The following SCN10A variants were observed in gnomAD, a reference collection of about 807,000 sequenced individuals.
The protein encoded by SCN10A is sodium channel protein type 10 subunit alpha.
SCN10A carries 162 observed loss-of-function variants against 170.7 expected under a neutral mutation model. The observed-to-expected ratio is 0.95, with a 90% confidence interval of 0.84 to 1.08. The LOEUF is 1.08. SCN10A is among the 50% of genes least tolerant of loss of function. SCN10A has a pLI of 0.00. For missense variants in SCN10A, 2,527 were observed against 2,436.9 expected (o/e 1.04, Z -0.78); for synonymous variants, 985 against 904.6 (o/e 1.09, Z -1.59).
chr3:38,744,495 T>A (rs537405489), intron 13 of SCN10A, among the ~76,000 whole-genome samples: 1 of 151,952 alleles, frequency 6.6e-6, no homozygotes, highest in East Asian at 1.9e-4. Flanking sequence ...TTATTTTAAA[T>A]TTTTTTCTTT....
chr3:38,810,389 T>C (rs2064432738), intron 1 of SCN10A, among the ~76,000 whole-genome samples: 1 of 152,210 alleles, frequency 6.6e-6, no homozygotes, highest in African/African-American at 2.4e-5. Context: ...TGTGCAGTTC[T>C]GACATTGAAG....
chr3:38,731,788 A>G (rs1320648918), intron 15 of SCN10A, among the ~76,000 whole-genome samples: 1 of 152,230 alleles, frequency 6.6e-6, no homozygotes, highest in African/African-American at 2.4e-5. Context: ...GTGCAGGCCC[A>G]TGGACTCTCC....
intron 14 of SCN10A, among the ~76,000 whole-genome samples, chr3:38,741,274 G>T (rs1370995370): frequency 6.9e-6 from 1 of 143,956 alleles, no homozygotes. Context: ...TGCCTATCAT[G>T]TGTGCGTGTG....
At chr3:38,770,649 A>C (rs2063987920) in intron 5 of SCN10A, among the ~76,000 whole-genome samples, 4 of 152,090 alleles carry the variant, frequency 2.6e-5, no homozygotes, top group South Asian at 4.1e-4. Context: ...ACTGAGAAAG[A>C]AAGCATGACT....
intron 13 of SCN10A, among the ~76,000 whole-genome samples, chr3:38,746,100 T>TATATATA (rs71085336): frequency 8.0e-5 from 8 of 99,820 alleles, no homozygotes; most frequent in African/African-American, 1.8e-4. Context: ...TATATATATA[T>TATATATA]GCCATCTTTG....
intron 19 of SCN10A, among the ~76,000 whole-genome samples, chr3:38,722,867 A>T (rs1012290916): frequency 6.6e-6 from 1 of 152,238 alleles, no homozygotes; most frequent in Non-Finnish European, 1.5e-5. Context: ...TCAAGTATTT[A>T]AAAAATTTTT....
rs2064313711 is a variant in SCN10A, at chr3:38,793,689, G to A, written c.270+52C>T. On this transcript the variant is annotated intron_variant, in intron 2 of 27. Transcript: ENST00000449082. ...AGGACTTTCTGGGCTGGGTGGGACCGAGACTTCCTCTCCAAGAGCTGAGAG... is the reference window on the plus strand; with the variant it reads ...AGGACTTTCTGGGCTGGGTGGGACCAAGACTTCCTCTCCAAGAGCTGAGAG... The A allele has an allele frequency of 6.3e-6, 10 of 1,582,354 alleles. No homozygotes were observed. In the East Asian group the frequency reaches 9.0e-5, roughly 14 times the overall value.
chr3:38,699,429 G>A (rs1239589341), intron 27 of SCN10A, among the ~76,000 whole-genome samples: 1 of 152,022 alleles, frequency 6.6e-6, no homozygotes, highest in Non-Finnish European at 1.5e-5. Context: ...CCAAAGATGA[G>A]GCAAGGCCTT....
intron 2 of SCN10A, 38 bp from the exon 3 acceptor site, chr3:38,792,206 G>A (rs1349742891): frequency 1.2e-6 from 2 of 1,607,998 alleles, no homozygotes; most frequent in Non-Finnish European, 1.7e-6. Context: ...CCTCCAATGA[G>A]AAACAAGATT....
intron 5 of SCN10A, among the ~76,000 whole-genome samples, chr3:38,765,100 C>T (rs1435610821): frequency 1.3e-5 from 2 of 152,128 alleles, no homozygotes; most frequent in African/African-American, 2.4e-5. Context: ...CTTATAGATG[C>T]TGGATATTAG....
At chr3:38,733,486 A>G (rs1327224944) in intron 15 of SCN10A, among the ~76,000 whole-genome samples, 1 of 152,212 alleles carries the variant, frequency 6.6e-6, no homozygotes, top group African/African-American at 2.4e-5. Context: ...AAATTGGGAA[A>G]GGATATCTGG....
chr3:38,714,164 G>A, intron 21 of SCN10A, 84 bp from the exon 22 acceptor site: 3 of 1,536,944 alleles, frequency 2.0e-6, no homozygotes, highest in Non-Finnish European at 2.7e-6. Flanking sequence ...TCCCTGCCCA[G>A]CCTCCCATTC....
At chr3:38,710,651 AG>A (rs1357290452) in intron 24 of SCN10A, among the ~76,000 whole-genome samples, 192 bp downstream of exon 24, 1 of 149,028 alleles carries the variant, frequency 6.7e-6, no homozygotes, top group East Asian at 2.0e-4. Context: ...TGTAGATGAA[AG>A]GGGGAAAGCC....
intron 26 of SCN10A, among the ~76,000 whole-genome samples, chr3:38,703,445 A>G (rs570320602): frequency 3.3e-5 from 5 of 152,354 alleles, no homozygotes; most frequent in African/African-American, 1.2e-4. Flanking sequence ...ATTTCTTGAA[A>G]GAGTTGTGTA....
intron 25 of SCN10A, among the ~76,000 whole-genome samples, chr3:38,707,614 C>T (rs2063224654): frequency 6.6e-6 from 1 of 152,162 alleles, no homozygotes; most frequent in East Asian, 1.9e-4. Flanking sequence ...TTTCTGTTCT[C>T]CAGGGATCCA....
At chr3:38,806,886 G>A (rs565234412) in intron 1 of SCN10A, among the ~76,000 whole-genome samples, 80 of 152,162 alleles carry the variant, frequency 5.3e-4, no homozygotes, top group Non-Finnish European at 9.7e-4. Flanking sequence ...TTTGAATATG[G>A]TTCAGCTGCC....
At position 38,714,168 on chromosome 3, in the gene SCN10A, C is replaced by T. The variant is rs2063307256; in HGVS notation, c.3682-88G>A. On this transcript the variant is annotated intron_variant, in intron 21 of 27. Transcript: ENST00000449082. The stretch of plus-strand genomic sequence containing the variant: ...GAGACAGGAACTCCCTGCCCAGCCT[C>T]CCATTCCTACACGTCTAAGCCATCA... The T allele has an allele frequency of 2.0e-6, 3 of 1,510,250 alleles. No individual in the cohort carries two copies. The South Asian group carries it at 3.6e-5, about 18-fold the overall frequency. The allele number at this position is 1,510,250 out of a possible 1,614,324, so 93.6% of individuals were successfully genotyped here.
chr3:38,759,526 C>T (rs772259945), intron 8 of SCN10A, among the ~76,000 whole-genome samples: 1 of 152,128 alleles, frequency 6.6e-6, no homozygotes, highest in Non-Finnish European at 1.5e-5. Context: ...GCCTATGAAG[C>T]CTCTAGTAAA....
chr3:38,795,469 T>G lies in SCN10A; in HGVS notation c.-32-1427A>C, dbSNP rs553659120. 2.9e-3 allele frequency among the ~76,000 whole-genome samples: 439 copies of G among 150,806 alleles called. 2 individuals are homozygous for G. The highest frequency in any genetic ancestry group is 0.013 in the South Asian group (61 of 4,650). On this transcript the variant is annotated intron_variant, in intron 1 of 27. Coordinates refer to ENST00000449082, the MANE Select transcript of SCN10A (RefSeq NM_006514.4). ...AATTCTCCCACCTCAGCCTCCCGAA[T>G]AGCTGGGCTATAGGCACATGTCACC... is the stretch of plus-strand genomic sequence containing the variant.
Sources: gnomAD v4.1 joint callset for allele counts (sites outside exome capture counted in the v4.1 genomes callset) on GRCh38, gnomAD v4.1.1 for gene constraint, MANE v1.5 for transcripts, NCBI Gene and HGNC (gene_info 2026-07-23, HGNC 2026-07-21) for gene names.